The following ESRRG variants were observed in gnomAD, a reference collection of about 807,000 sequenced individuals.
ESRRG encodes the protein estrogen-related receptor gamma.
In ESRRG, 13 loss-of-function variants were observed where a neutral mutation model predicts 44.0. The observed-to-expected ratio is 0.30, with a 90% CI of 0.19 to 0.47. The LOEUF (loss-of-function observed/expected upper bound fraction) is 0.47. Among genes scored for constraint, ESRRG ranks in the 20% least tolerant of loss-of-function variants. The pLI is 1.00. For synonymous variants in ESRRG, 215 were observed against 214.6 expected, an observed-to-expected ratio of 1.00 and a Z score of -0.02; for missense variants, 395 against 580.6, an observed-to-expected ratio of 0.68 and a Z score of 3.29.
At chr1:216,515,026 A>C (rs1402381274) in intron 6 of ESRRG, among the ~76,000 whole-genome samples, 1 of 151,778 alleles carries the variant, frequency 6.6e-6, no homozygotes, top group East Asian at 1.9e-4. Flanking sequence ...CATGTATGAA[A>C]CCAAACTGGC....
intron 1 of ESRRG, among the ~76,000 whole-genome samples, chr1:216,974,252 G>T (rs1008536003): frequency 1.1e-4 from 16 of 152,086 alleles, no homozygotes; most frequent in Non-Finnish European, 2.2e-4. Context: ...ACAAAGAAAA[G>T]ACAAATGATT....
At chr1:216,989,445 A>C (rs1353579195) in intron 1 of ESRRG, among the ~76,000 whole-genome samples, 2 of 151,784 alleles carry the variant, frequency 1.3e-5, no homozygotes, top group East Asian at 1.9e-4. Flanking sequence ...AAAAAAAAAA[A>C]AAAAACACAG....
chr1:216,582,969 T>C (rs553680005), intron 3 of ESRRG, among the ~76,000 whole-genome samples: 1 of 151,198 alleles, frequency 6.6e-6, no homozygotes, highest in East Asian at 2.0e-4. Flanking sequence ...GGTGGGAGAA[T>C]GGGAGAATGG....
chr1:217,029,476 T>C (rs1199970443), intron 1 of ESRRG, among the ~76,000 whole-genome samples: 1 of 152,170 alleles, frequency 6.6e-6, no homozygotes, highest in Non-Finnish European at 1.5e-5. Flanking sequence ...TGCTTCCAAA[T>C]GGACTGACTT....
At position 216,507,122 on chromosome 1, in the gene ESRRG, C is replaced by G; in HGVS notation, c.1194G>C (p.Ala398=). The G allele has an allele frequency of 6.2e-7, 1 of 1,613,712 alleles. No individual in the cohort carries two copies. Among genetic ancestry groups the G allele is most frequent in the Non-Finnish European group, 8.5e-7 (1 of 1,179,898 alleles). ...VQKLQDVLHE[A]LQDYEAGQHM... ...GCTGGCCAGCTTCATAATCCTGCAG[C>G]GCTTCATGTAAGACATCCTGAAGCT... Residue 398 remains alanine, a synonymous_variant, in exon 7 of 7, where the codon GCG becomes GCC. Coordinates refer to ENST00000408911, the MANE Select transcript of ESRRG (RefSeq NM_001438.4).
intron 1 of ESRRG, among the ~76,000 whole-genome samples, chr1:216,974,510 T>C (rs1234021809): frequency 6.6e-6 from 1 of 152,282 alleles, no homozygotes; most frequent in African/African-American, 2.4e-5. Flanking sequence ...AGATTCATAA[T>C]ATTTTTATTC....
At chr1:216,518,760 C>A (rs1328610759) in intron 6 of ESRRG, among the ~76,000 whole-genome samples, 1 of 152,118 alleles carries the variant, frequency 6.6e-6, no homozygotes, top group Non-Finnish European at 1.5e-5. Flanking sequence ...CCCAATTGCA[C>A]AATTTGCATT....
chr1:216,874,969 C>T (rs1443989480), intron 2 of ESRRG, among the ~76,000 whole-genome samples: 2 of 152,138 alleles, frequency 1.3e-5, no homozygotes, highest in African/African-American at 4.8e-5. Flanking sequence ...GCTCTTGGGC[C>T]TTTGACCACA....
intron 2 of ESRRG, among the ~76,000 whole-genome samples, chr1:216,776,130 T>C (rs761918046): frequency 2.6e-5 from 4 of 152,126 alleles, no homozygotes; most frequent in Non-Finnish European, 5.9e-5. Flanking sequence ...GTGCTTAACA[T>C]GTTATACAAG....
At chr1:216,817,106 T>C (rs947190524) in intron 2 of ESRRG, among the ~76,000 whole-genome samples, 5 of 151,448 alleles carry the variant, frequency 3.3e-5, no homozygotes, top group Admixed American at 3.3e-4. Context: ...GAGCAGACTT[T>C]CTTAAAAGGC....
chr1:216,994,738 C>T (rs1301991968), intron 1 of ESRRG, among the ~76,000 whole-genome samples: 18 of 149,904 alleles, frequency 1.2e-4, no homozygotes, highest in Admixed American at 6.7e-5. Flanking sequence ...CCCACCACCA[C>T]GCCCGGCTAA....
intron 1 of ESRRG, among the ~76,000 whole-genome samples, chr1:216,701,207 G>A (rs765202932): frequency 9.2e-5 from 14 of 152,068 alleles, no homozygotes; most frequent in African/African-American, 2.7e-4. Flanking sequence ...TTATGAAATC[G>A]CTAGACTTAA....
intron 1 of ESRRG, among the ~76,000 whole-genome samples, chr1:216,709,726 C>A (rs2083220156): frequency 6.6e-6 from 1 of 151,508 alleles, no homozygotes; most frequent in Admixed American, 6.6e-5. Flanking sequence ...TATGTATACT[C>A]TCTAATGAAA....
intron 3 of ESRRG, among the ~76,000 whole-genome samples, chr1:216,596,098 T>G (rs1012544791): frequency 1.3e-5 from 2 of 152,196 alleles, no homozygotes; most frequent in Admixed American, 6.5e-5. Context: ...ACTGGCTCAC[T>G]GAGAAAGTCG....
chr1:216,743,099 A>G (rs1273827172), intron 2 of ESRRG, among the ~76,000 whole-genome samples: 1 of 152,192 alleles, frequency 6.6e-6, no homozygotes, highest in Non-Finnish European at 1.5e-5. Flanking sequence ...CATGATAGTC[A>G]TTATTAGAGA....
At chr1:216,597,663 G>A (rs1259961876) in intron 3 of ESRRG, among the ~76,000 whole-genome samples, 2 of 152,156 alleles carry the variant, frequency 1.3e-5, no homozygotes, top group Non-Finnish European at 2.9e-5. Context: ...ACTGCAGAAA[G>A]TTCTATTTGA....
chr1:217,133,567 A>G (rs2092995270), intron 1 of ESRRG, among the ~76,000 whole-genome samples: 1 of 152,214 alleles, frequency 6.6e-6, no homozygotes, highest in South Asian at 2.1e-4. Flanking sequence ...AAACTGAACA[A>G]GGTGGAAAGA....
intron 2 of ESRRG, among the ~76,000 whole-genome samples, chr1:216,889,043 T>C (rs2057421774): frequency 6.6e-6 from 1 of 152,196 alleles, no homozygotes; most frequent in South Asian, 2.1e-4. Flanking sequence ...TTTCAGAGTT[T>C]AAAACCTTTG....
chr1:216,626,633 C>A (rs1324776612), intron 3 of ESRRG, among the ~76,000 whole-genome samples: 1 of 152,238 alleles, frequency 6.6e-6, no homozygotes, highest in East Asian at 1.9e-4. Flanking sequence ...CCTAGTCCAG[C>A]AACCCTCCCG....
Sources: gnomAD v4.1 joint callset for allele counts (sites outside exome capture counted in the v4.1 genomes callset) on GRCh38, gnomAD v4.1.1 for gene constraint, MANE v1.5 for transcripts, NCBI Gene and HGNC (gene_info 2026-07-23, HGNC 2026-07-21) for gene names.